MYO16: variants seen among roughly 807,000 people sequenced by gnomAD.
MYO16 encodes myosin XVI, also known as unconventional myosin-XVI.
Under a neutral mutation model 205.3 loss-of-function variants are expected in MYO16, and 94 were observed. The ratio of observed to expected loss-of-function variants is 0.46; its 90% confidence interval spans 0.39 to 0.54. The LOEUF (loss-of-function observed/expected upper bound fraction) is 0.54. Ranked by LOEUF, MYO16 falls within the 20% of genes least tolerant of loss-of-function variation. The pLI, the probability that MYO16 is intolerant of heterozygous loss-of-function variation, is 0.00. For synonymous variants in MYO16, 988 were observed against 954.0 expected (o/e 1.04, Z -0.66); for missense variants, 2,315 against 2,387.5 (o/e 0.97, Z 0.63).
chr13:108,837,584 A>G (rs1876996104), intron 9 of MYO16, among the ~76,000 whole-genome samples: 1 of 152,218 alleles, frequency 6.6e-6, no homozygotes, highest in African/African-American at 2.4e-5. Context: ...TAACTCTTGC[A>G]TTTTGCAAAG....
chr13:108,751,406 T>C (rs1885234879), intron 4 of MYO16, among the ~76,000 whole-genome samples: 1 of 152,154 alleles, frequency 6.6e-6, no homozygotes, highest in African/African-American at 2.4e-5. Flanking sequence ...ACAGTAGTAT[T>C]GGATTATTAC....
At chr13:108,656,759 T>C (rs1366262160) in intron 1 of MYO16, among the ~76,000 whole-genome samples, 2 of 152,244 alleles carry the variant, frequency 1.3e-5, no homozygotes, top group Non-Finnish European at 2.9e-5. Context: ...TTTATTTCCA[T>C]TCATGCCCAT....
chr13:108,807,324 A>T (rs539804731), intron 7 of MYO16, among the ~76,000 whole-genome samples: 1 of 152,308 alleles, frequency 6.6e-6, no homozygotes, highest in East Asian at 1.9e-4. Flanking sequence ...CATAAATTTC[A>T]GTAGTGTAAC....
chr13:109,178,495 G>A (rs1879318103), intron 33 of MYO16, among the ~76,000 whole-genome samples: 2 of 152,326 alleles, frequency 1.3e-5, no homozygotes, highest in South Asian at 2.1e-4. Context: ...TTATGTATAT[G>A]TTTAATCAAT....
intron 24 of MYO16, among the ~76,000 whole-genome samples, chr13:109,051,197 G>A (rs1887235331): frequency 6.6e-6 from 1 of 152,078 alleles, no homozygotes. Flanking sequence ...CTTTTGCATT[G>A]CATAATTGTA....
At chr13:108,762,510 T>A (rs1198433953) in intron 4 of MYO16, among the ~76,000 whole-genome samples, 1 of 152,210 alleles carries the variant, frequency 6.6e-6, no homozygotes, top group African/African-American at 2.4e-5. Context: ...CATTTTTTTT[T>A]AACAATAGCC....
intron 32 of MYO16, among the ~76,000 whole-genome samples, chr13:109,152,565 G>C (rs1177134947): frequency 6.6e-6 from 1 of 152,178 alleles, no homozygotes; most frequent in Non-Finnish European, 1.5e-5. Context: ...GGAGATGTGG[G>C]ATCATAAAAA....
intron 20 of MYO16, among the ~76,000 whole-genome samples, chr13:108,965,878 G>C (rs183886531): frequency 2.0e-5 from 3 of 152,146 alleles, no homozygotes; most frequent in African/African-American, 7.2e-5. Context: ...ACTTGTCTTC[G>C]AATGAAACCT....
intron 2 of MYO16, among the ~76,000 whole-genome samples, chr13:108,680,962 A>G (rs564242407): frequency 1.3e-5 from 2 of 152,328 alleles, no homozygotes; most frequent in South Asian, 4.1e-4. Flanking sequence ...TTTGAGTCAA[A>G]CATGTCAAAT....
chr13:108,723,276 T>G (rs1252897119), intron 3 of MYO16, among the ~76,000 whole-genome samples: 2 of 152,158 alleles, frequency 1.3e-5, no homozygotes, highest in Non-Finnish European at 2.9e-5. Flanking sequence ...GATGGGTGTT[T>G]TGTGAATATT....
chr13:108,909,965 C>G, intron 15 of MYO16, 38 bp from the exon 16 acceptor site: 2 of 1,585,298 alleles, frequency 1.3e-6, no homozygotes, highest in Non-Finnish European at 8.6e-7. Context: ...GAAATGAATA[C>G]TGCCATTTAA....
chr13:108,791,809 C>G (rs1451928483), intron 5 of MYO16, among the ~76,000 whole-genome samples: 3 of 152,194 alleles, frequency 2.0e-5, no homozygotes, highest in Admixed American at 1.3e-4. Flanking sequence ...GAAGCCCACA[C>G]AGTTTAAATA....
Position 109,164,921 on chromosome 13 carries a change from A to G in MYO16, c.5185A>G (p.Ile1729Val), listed in dbSNP as rs1284250498. Residue 1729 changes from isoleucine (I) to valine (V), a missense_variant, in exon 33 of 35, where the codon ATA (isoleucine) becomes GTA (valine). Transcript: ENST00000457511. ...EAEGFETNMN[I>V]SSRDDPSTSE... ...TTTAGGTTTTGAAACTAACATGAAC[A>G]TAAGTAGCCGAGATGACCCTAGTAC... The G allele has an allele frequency of 3.2e-6, 5 of 1,583,712 alleles. No individual in the cohort carries two copies. In the African/African-American group the frequency reaches 4.1e-5, roughly 13 times the overall value.
At chr13:109,108,754 T>C (rs759738620) in intron 28 of MYO16, among the ~76,000 whole-genome samples, 2 of 152,076 alleles carry the variant, frequency 1.3e-5, no homozygotes, top group Non-Finnish European at 2.9e-5. Flanking sequence ...TGCAGGGCAT[T>C]TCTGGGAGGG....
chr13:108,644,413 T>A (rs1006055017), intron 1 of MYO16, among the ~76,000 whole-genome samples: 1 of 133,938 alleles, frequency 7.5e-6, no homozygotes, highest in Non-Finnish European at 1.6e-5. Context: ...TCTATCTATC[T>A]ATCATCTGTT....
the MYO16 span, among the ~76,000 whole-genome samples, chr13:108,551,060 G>T: frequency 6.6e-6 from 1 of 152,058 alleles, no homozygotes; most frequent in Admixed American, 6.6e-5. Flanking sequence ...AATATATCAT[G>T]TCCTCCTTGC....
Position 108,806,781 on chromosome 13 carries a change from C to A in MYO16, c.844C>A (p.His282Asn). The A allele has an allele frequency of 6.4e-7, 1 of 1,553,296 alleles. No individual in the cohort carries two copies. Among genetic ancestry groups the A allele is most frequent in the South Asian group, 1.3e-5 (1 of 76,564 alleles). ...AGATGATCAGTACTGGACTCCCCTC[C>A]ACTTGGCAGCCAAATATGGCCAGGT... is the stretch of plus-strand genomic sequence containing the variant. The part of the protein sequence containing the change: ...IVDDQYWTPL[H>N]LAAKYGQTNL... The change falls in exon 7 of 35, where the codon CAC becomes AAC. Residue 282 changes from histidine to asparagine, a missense_variant. His to Asn is a moderately conservative substitution (Grantham distance 68). Around this residue, in one of 3 missense-constraint regions of MYO16, gnomAD observed 1,213 missense variants for 1,274.4 expected, o/e 0.95. Transcript: ENST00000457511.
the MYO16 span, among the ~76,000 whole-genome samples, chr13:108,553,183 T>G: frequency 2.8e-4 from 43 of 151,904 alleles, 1 homozygote; most frequent in South Asian, 9.0e-3. Context: ...CACGCCCAAC[T>G]AATTTTTGGT....
chr13:108,730,999 T>C (rs187709748), intron 4 of MYO16, among the ~76,000 whole-genome samples: 15 of 152,354 alleles, frequency 9.8e-5, no homozygotes, highest in Non-Finnish European at 2.2e-4. Context: ...TCTTTTTCTC[T>C]TTGTTCTTAT....
Sources: allele counts gnomAD v4.1 joint callset (sites outside exome capture counted in the v4.1 genomes callset), GRCh38; gene constraint gnomAD v4.1.1; regional missense constraint gnomAD v4.1.1; transcripts MANE v1.5; gene names NCBI Gene and HGNC (gene_info 2026-07-23, HGNC 2026-07-21).